HIVEP1: variants seen among roughly 807,000 people sequenced by gnomAD.
HIVEP1 encodes zinc finger protein 40.
Under a neutral mutation model 180.0 loss-of-function variants are expected in HIVEP1, and 36 were observed. The ratio of observed to expected loss-of-function variants is 0.20; its 90% CI spans 0.15 to 0.26. The LOEUF is 0.26. Ranked by LOEUF, HIVEP1 falls within the 10% of genes least tolerant of loss-of-function variation. The pLI is 1.00. For synonymous variants in HIVEP1, 1,239 were observed against 1,239.0 expected, an observed-to-expected ratio of 1.00 and a Z score of 0.00; for missense variants, 3,143 against 3,268.7, an observed-to-expected ratio of 0.96 and a Z score of 0.94.
intron 2 of HIVEP1, among the ~76,000 whole-genome samples, chr6:12,023,105 T>C (rs1192659633): frequency 6.6e-6 from 1 of 152,176 alleles, no homozygotes; most frequent in Non-Finnish European, 1.5e-5. Context: ...TCTCCTTAGG[T>C]TCCAAGATGG....
At position 12,163,295 on chromosome 6, in the gene HIVEP1, G is replaced by A. The variant is rs143238298; in HGVS notation, c.6991G>A (p.Val2331Ile). The A allele has an allele frequency of 1.2e-6, 2 of 1,613,362 alleles. No individual in the cohort carries two copies. The highest frequency in any genetic ancestry group is 1.7e-6 in the Non-Finnish European group (2 of 1,179,604). The change falls in exon 9 of 9, where the codon GTA (valine) becomes ATA (isoleucine). Residue 2331 changes from valine to isoleucine, a missense_variant. Val to Ile is a conservative substitution (Grantham distance 29). Coordinates refer to ENST00000379388, the MANE Select transcript of HIVEP1 (RefSeq NM_002114.4). ...AVAITQSPSS[V>I]RLPPAAAEHS... Reference sequence around the variant, plus strand: ...TCTTGTCATTTAGAGCCCATCATCTGTAAGACTTCCTCCTGCTGCAGCTGA... The same window carrying A: ...TCTTGTCATTTAGAGCCCATCATCTATAAGACTTCCTCCTGCTGCAGCTGA...
chr6:12,171,551 C>T, the HIVEP1 span, among the ~76,000 whole-genome samples: 3 of 152,136 alleles, frequency 2.0e-5, no homozygotes, highest in South Asian at 2.1e-4. Flanking sequence ...GATAATCTGG[C>T]GGGTTCCTCA....
rs1309910212 is a variant in HIVEP1, at chr6:12,135,794, A to G, written c.6389A>G (p.Asn2130Ser). 6.2e-7 allele frequency: 1 copy of G among 1,604,976 alleles called. No homozygotes were observed. Among genetic ancestry groups the G allele is most frequent in the Non-Finnish European group, 8.5e-7 (1 of 1,172,282 alleles). The change falls in exon 7 of 9, where the codon AAT becomes AGT. Residue 2130 changes from asparagine (N) to serine (S), a missense_variant. Asn to Ser is a conservative substitution (Grantham distance 46, BLOSUM62 1). Coordinates refer to ENST00000379388, the MANE Select transcript of HIVEP1 (RefSeq NM_002114.4). The part of the protein sequence containing the change: ...YCNFSFKTKG[N>S]LTKHMKSKAH... ...GTAAACATTCTTTTCCCTTAAGGAA[A>G]TCTGACAAAACACATGAAGTCCAAG...
chr6:12,119,134 T>G (rs2113499457), intron 3 of HIVEP1, among the ~76,000 whole-genome samples: 1 of 152,328 alleles, frequency 6.6e-6, no homozygotes, highest in South Asian at 2.1e-4. Flanking sequence ...AAGGCAGCCA[T>G]GCAGGAGATG....
chr6:12,029,801 C>A (rs1768820963), intron 2 of HIVEP1, among the ~76,000 whole-genome samples: 1 of 152,084 alleles, frequency 6.6e-6, no homozygotes, highest in Admixed American at 6.5e-5. Flanking sequence ...CACTCCTTTA[C>A]ACAATCTTTT....
intron 2 of HIVEP1, among the ~76,000 whole-genome samples, chr6:12,079,007 G>A (rs1032336336): frequency 2.0e-5 from 3 of 152,086 alleles, no homozygotes; most frequent in Admixed American, 6.6e-5. Context: ...GGACCCTGGC[G>A]TGTAGCCTCT....
rs1407691208 is a variant in HIVEP1, at chr6:12,163,328, C to T, written c.7024C>T (p.Pro2342Ser). The change falls in exon 9 of 9, where the codon CCC becomes TCC. Residue 2342 changes from proline to serine, a missense_variant. Pro to Ser is a moderately conservative substitution (Grantham distance 74). Transcript: ENST00000379388. ...RLPPAAAEHS[P>S]QTAAGMPSVA... is the part of the protein sequence containing the mutation. The stretch of plus-strand genomic sequence containing the variant: ...TCCTCCTGCTGCAGCTGAGCACAGC[C>T]CCCAGACAGCAGCGGGGATGCCTTC... The T allele has an allele frequency of 2.5e-6, 4 of 1,614,174 alleles. No homozygotes were observed. The highest frequency in any genetic ancestry group is 3.4e-6 in the Non-Finnish European group (4 of 1,180,034).
rs140504352 is a variant in HIVEP1, at chr6:12,094,756, A to G, written c.94+5519A>G. ...GTTTATATTTTTATTATGTTTTATA[A>G]TTTTCTGTGCCTGATTTTGTTTTAA... On this transcript the variant is annotated intron_variant, in intron 3 of 8. Coordinates refer to ENST00000379388, the MANE Select transcript of HIVEP1 (RefSeq NM_002114.4). Among the ~76,000 whole-genome samples, 40 of 151,966 alleles carry G rather than the reference A, an allele frequency of 2.6e-4. 1 individual carries two copies. The highest frequency in any genetic ancestry group is 8.9e-4 in the African/African-American group (37 of 41,492).
chr6:12,008,339 G>C (rs763492955), upstream of HIVEP1: 1 of 152,128 alleles, frequency 6.6e-6, no homozygotes, highest in Non-Finnish European at 1.5e-5. Flanking sequence ...TCTAAAACCC[G>C]AACAAAGCCT....
chr6:12,184,352 C>T, the HIVEP1 span, among the ~76,000 whole-genome samples: 2 of 152,128 alleles, frequency 1.3e-5, no homozygotes, highest in African/African-American at 4.8e-5. Context: ...GAACTTTCAG[C>T]ACAAATGTCA....
intron 2 of HIVEP1, chr6:12,038,234 A>G (rs1254106158): frequency 6.5e-6 from 1 of 152,730 alleles, no homozygotes; most frequent in East Asian, 1.9e-4. Flanking sequence ...CTATTTATCA[A>G]CTGTAATTTT....
At chr6:12,092,380 G>A (rs1272440197) in intron 3 of HIVEP1, among the ~76,000 whole-genome samples, 1 of 152,148 alleles carries the variant, frequency 6.6e-6, no homozygotes, top group African/African-American at 2.4e-5. Context: ...ATTCACCCAT[G>A]CCGTTGCACA....
the HIVEP1 span, among the ~76,000 whole-genome samples, chr6:12,209,832 T>C: frequency 6.6e-6 from 1 of 152,232 alleles, no homozygotes; most frequent in Non-Finnish European, 1.5e-5. Context: ...TTAAAAAATG[T>C]TTGATTTCTT....
chr6:12,075,208 C>CTCTGCTCCTTTG (rs1772270346), intron 2 of HIVEP1, among the ~76,000 whole-genome samples: 1 of 152,156 alleles, frequency 6.6e-6, no homozygotes, highest in African/African-American at 2.4e-5. Flanking sequence ...TTGGGTTTGG[C>CTCTGCTCCTTTG]GTTTTAGATT....
the HIVEP1 span, among the ~76,000 whole-genome samples, chr6:12,211,400 AAAAAAAAAAAAAAAG>A: frequency 6.3e-5 from 1 of 15,856 alleles, no homozygotes; most frequent in Non-Finnish European, 2.1e-4. Flanking sequence ...ACTCTGTCTC[AAAAAAAAAAAAAAAG>A]AAAAAGAAAA....
At chr6:12,070,610 G>A (rs962067705) in intron 2 of HIVEP1, among the ~76,000 whole-genome samples, 7 of 152,064 alleles carry the variant, frequency 4.6e-5, no homozygotes, top group Non-Finnish European at 8.8e-5. Flanking sequence ...TGTCATTATG[G>A]AATGCTTGAC....
chr6:12,126,864 A>G (rs1400995562), intron 4 of HIVEP1, among the ~76,000 whole-genome samples: 1 of 151,306 alleles, frequency 6.6e-6, no homozygotes, highest in Non-Finnish European at 1.5e-5. Context: ...AAGAAGAAGC[A>G]GCTTTTTTTT....
intron 7 of HIVEP1, among the ~76,000 whole-genome samples, chr6:12,152,875 T>TCAGAAATTTA (rs1759791138): frequency 6.6e-6 from 1 of 152,218 alleles, no homozygotes; most frequent in Non-Finnish European, 1.5e-5. Context: ...TGAAATTTAA[T>TCAGAAATTTA]ATAATCAAGG....
At chr6:12,044,169 C>T (rs1411239113) in intron 2 of HIVEP1, among the ~76,000 whole-genome samples, 1 of 151,924 alleles carries the variant, frequency 6.6e-6, no homozygotes, top group African/African-American at 2.4e-5. Flanking sequence ...TTTCTGGGCT[C>T]CTGAATAAGA....
Sources: gnomAD v4.1 joint callset for allele counts (sites outside exome capture counted in the v4.1 genomes callset) on GRCh38, gnomAD v4.1.1 for gene constraint, MANE v1.5 for transcripts, NCBI Gene and HGNC (gene_info 2026-07-23, HGNC 2026-07-21) for gene names.